TNFSF4: variants seen among roughly 807,000 people sequenced by gnomAD.
The protein encoded by TNFSF4 is tumor necrosis factor ligand superfamily member 4.
TNFSF4 carries 4 observed loss-of-function variants against 7.3 expected under a neutral mutation model. That is an observed-to-expected ratio of 0.55 (90% CI 0.27 to 1.25). The LOEUF is 1.25. Among genes scored for constraint, TNFSF4 ranks in the 50% most tolerant of loss-of-function variants. The pLI is 0.12. For synonymous variants in TNFSF4, 76 were observed against 83.7 expected, an observed-to-expected ratio of 0.91 and a Z score of 0.50; for missense variants, 181 against 208.8, an observed-to-expected ratio of 0.87 and a Z score of 0.82.
chr1:173,366,294 T>C, the TNFSF4 span, among the ~76,000 whole-genome samples: 1 of 152,218 alleles, frequency 6.6e-6, no homozygotes, highest in Non-Finnish European at 1.5e-5. Context: ...GGAGCACTAT[T>C]TGGCCATAAA....
At chr1:173,316,441 C>T in the TNFSF4 span, among the ~76,000 whole-genome samples, 3 of 151,952 alleles carry the variant, frequency 2.0e-5, no homozygotes, top group African/African-American at 7.3e-5. Context: ...ACAGAATATA[C>T]AGAGATATTT....
At chr1:173,305,467 C>G in the TNFSF4 span, among the ~76,000 whole-genome samples, 6 of 151,812 alleles carry the variant, frequency 4.0e-5, no homozygotes, top group Non-Finnish European at 5.9e-5. Context: ...TTGTGAAAGG[C>G]AGGCTTGGCC....
the TNFSF4 span, among the ~76,000 whole-genome samples, chr1:173,234,297 A>T: frequency 6.6e-6 from 1 of 152,206 alleles, no homozygotes; most frequent in African/African-American, 2.4e-5. Context: ...GGCAGGAAAC[A>T]ACAGGTGCTG....
chr1:173,437,051 G>A, the TNFSF4 span, among the ~76,000 whole-genome samples: 1 of 152,132 alleles, frequency 6.6e-6, no homozygotes, highest in Non-Finnish European at 1.5e-5. Flanking sequence ...GACATCAAAG[G>A]CTCAGGTGAG....
At chr1:173,275,878 T>C in the TNFSF4 span, among the ~76,000 whole-genome samples, 5 of 152,142 alleles carry the variant, frequency 3.3e-5, no homozygotes, top group African/African-American at 1.2e-4. Flanking sequence ...CAGCTAACAC[T>C]ATATGACACT....
intron 1 of TNFSF4, among the ~76,000 whole-genome samples, chr1:173,192,319 G>A (rs569068217): frequency 6.6e-6 from 1 of 152,318 alleles, no homozygotes; most frequent in African/African-American, 2.4e-5. Flanking sequence ...CAGCCAAAAC[G>A]TCCTTCAGTA....
chr1:173,209,500 T>G (rs1650305009), upstream of TNFSF4, among the ~76,000 whole-genome samples: 1 of 152,160 alleles, frequency 6.6e-6, no homozygotes, highest in African/African-American at 2.4e-5. Flanking sequence ...ATTTTTTTCA[T>G]TTGCATTTAT....
the TNFSF4 span, among the ~76,000 whole-genome samples, chr1:173,238,154 G>A: frequency 1.3e-5 from 2 of 152,148 alleles, no homozygotes; most frequent in Non-Finnish European, 2.9e-5. Context: ...ACAAGCAATG[G>A]TAAAAGGATT....
the TNFSF4 span, among the ~76,000 whole-genome samples, chr1:173,322,788 G>A: frequency 6.6e-6 from 1 of 152,096 alleles, no homozygotes; most frequent in South Asian, 2.1e-4. Context: ...CTCGCTCACT[G>A]CTAGCACAGC....
rs1235968125 is a variant in TNFSF4 at position 173,185,454 on chromosome 1, GATC to G, written c.*1059_*1061del. 1 of 152,134 alleles carries G rather than the reference GATC, an allele frequency of 6.6e-6. No individual in the cohort carries two copies. The highest frequency in any genetic ancestry group is 1.5e-5 in the Non-Finnish European group (1 of 68,012). 9.4% of individuals were successfully genotyped at this position (152,134 alleles called of 1,614,324 possible). A position where few individuals can be genotyped will look rare whatever the true frequency, so the allele number is the denominator to read the frequency against. On this transcript the variant is annotated 3_prime_UTR_variant, in exon 3 of 3. Transcript: ENST00000281834. ...ATGGTCTATGGTATTTCTAGACAGA[GATC>G]ATTATTTTTCATAAGGCACAATAAC...
the TNFSF4 span, among the ~76,000 whole-genome samples, chr1:173,382,795 A>G: frequency 1.3e-5 from 2 of 150,934 alleles, no homozygotes; most frequent in South Asian, 4.2e-4. Flanking sequence ...ACTATGCACC[A>G]CTCCTTCATG....
the TNFSF4 span, among the ~76,000 whole-genome samples, chr1:173,386,662 T>A: frequency 3.3e-5 from 5 of 152,072 alleles, no homozygotes; most frequent in Admixed American, 2.6e-4. Flanking sequence ...TGTAGAGCCA[T>A]CAGCATGCAA....
the TNFSF4 span, among the ~76,000 whole-genome samples, chr1:173,386,021 C>T: frequency 6.6e-6 from 1 of 152,152 alleles, no homozygotes; most frequent in Non-Finnish European, 1.5e-5. Flanking sequence ...AAATGTTATT[C>T]ATCAAGACAA....
the TNFSF4 span, among the ~76,000 whole-genome samples, chr1:173,230,771 C>A: frequency 6.6e-6 from 1 of 152,278 alleles, no homozygotes; most frequent in Non-Finnish European, 1.5e-5. Flanking sequence ...CACAGAAATA[C>A]AAACTACCTT....
chr1:173,398,817 T>A, the TNFSF4 span, among the ~76,000 whole-genome samples: 1 of 152,126 alleles, frequency 6.6e-6, no homozygotes, highest in African/African-American at 2.4e-5. Context: ...ATCTGGCCCC[T>A]CATACAACCA....
the TNFSF4 span, among the ~76,000 whole-genome samples, chr1:173,349,279 C>T: frequency 9.2e-5 from 14 of 152,286 alleles, no homozygotes; most frequent in Admixed American, 5.9e-4. Context: ...CTGCCCGCCT[C>T]GGCCTCCCAA....
chr1:173,356,810 A>T, the TNFSF4 span, among the ~76,000 whole-genome samples: 1 of 152,196 alleles, frequency 6.6e-6, no homozygotes, highest in Admixed American at 6.5e-5. Context: ...GTATATTAGG[A>T]AGAGGCAAGC....
At chr1:173,183,187 G>A (rs1293240760), downstream of TNFSF4, among the ~76,000 whole-genome samples, 1 of 151,876 alleles carries the variant, frequency 6.6e-6, no homozygotes, top group African/African-American at 2.4e-5. Context: ...CATTAAAGGG[G>A]TGGCAGAGAA....
At chr1:173,290,809 G>T in the TNFSF4 span, among the ~76,000 whole-genome samples, 2 of 151,874 alleles carry the variant, frequency 1.3e-5, no homozygotes, top group Non-Finnish European at 2.9e-5. Context: ...GCACATACTC[G>T]AAGACCAACC....
Sources: gnomAD v4.1 joint callset for allele counts (sites outside exome capture counted in the v4.1 genomes callset) on GRCh38, gnomAD v4.1.1 for gene constraint, MANE v1.5 for transcripts, NCBI Gene and HGNC (gene_info 2026-07-23, HGNC 2026-07-21) for gene names.